MAGI1: variants seen among roughly 807,000 people sequenced by gnomAD.
The protein encoded by MAGI1 is membrane-associated guanylate kinase, WW and PDZ domain-containing protein 1.
In MAGI1, 58 loss-of-function variants were observed where a neutral mutation model predicts 139.9. The ratio of observed to expected loss-of-function variants is 0.41; its 90% CI spans 0.34 to 0.52. MAGI1 has a LOEUF of 0.52. Among genes scored for constraint, MAGI1 ranks in the 20% least tolerant of loss-of-function variants. The pLI is 0.12. For missense variants in MAGI1, 1,874 were observed against 1,901.6 expected, an observed-to-expected ratio of 0.99 and a Z score of 0.27; for synonymous variants, 812 against 737.9, an observed-to-expected ratio of 1.10 and a Z score of -1.63.
At chr3:65,481,188 T>C (rs1951264095) in intron 3 of MAGI1, among the ~76,000 whole-genome samples, 1 of 152,142 alleles carries the variant, frequency 6.6e-6, no homozygotes, top group Non-Finnish European at 1.5e-5. Context: ...TTCTTTCAGG[T>C]TTCCAACTTA....
intron 17 of MAGI1, among the ~76,000 whole-genome samples, chr3:65,378,481 C>CT (rs1385073281): frequency 1.3e-5 from 2 of 152,110 alleles, no homozygotes; most frequent in Admixed American, 1.3e-4. Flanking sequence ...TTACTCCTTA[C>CT]ACCTCTGTTT....
intron 1 of MAGI1, among the ~76,000 whole-genome samples, chr3:65,728,345 G>A (rs2033837152): frequency 6.6e-6 from 1 of 152,186 alleles, no homozygotes; most frequent in Admixed American, 6.5e-5. Flanking sequence ...GATGCAAAGA[G>A]AGACAGACCA....
chr3:65,468,809 A>G (rs1950349155), intron 5 of MAGI1, among the ~76,000 whole-genome samples: 1 of 151,824 alleles, frequency 6.6e-6, no homozygotes, highest in African/African-American at 2.4e-5. Flanking sequence ...GGTGACTCAC[A>G]CCTGTAATCC....
rs76089771 is a variant in MAGI1, at chr3:65,775,172, G to A, written c.314-153084C>T. Among the ~76,000 whole-genome samples, 1,310 of 152,084 alleles carry A rather than the reference G, an allele frequency of 8.6e-3. 21 individuals carry two copies. Among genetic ancestry groups the A allele is most frequent in the African/African-American group, 0.03 (1,233 of 41,478 alleles). ...ATAACAAAGTATTTTCAGGCTGGGC[G>A]TGGTGACTCCCACCTGTAATCCCAG... On this transcript the variant is annotated intron_variant, in intron 1 of 22. Coordinates refer to ENST00000402939, the MANE Select transcript of MAGI1 (RefSeq NM_001033057.2).
At chr3:65,829,569 T>G (rs2042415125) in intron 1 of MAGI1, among the ~76,000 whole-genome samples, 1 of 152,210 alleles carries the variant, frequency 6.6e-6, no homozygotes. Context: ...CTCCCAGAAG[T>G]GTGAGCAATA....
At chr3:65,598,006 G>GA in intron 2 of MAGI1, 2 of 435,514 alleles carry the variant, frequency 4.6e-6, no homozygotes, top group Non-Finnish European at 4.6e-6. Flanking sequence ...TTTTTCGAGG[G>GA]AAGAGGTGCT....
chr3:65,803,122 C>G (rs757976670), intron 1 of MAGI1, among the ~76,000 whole-genome samples: 1 of 151,936 alleles, frequency 6.6e-6, no homozygotes, highest in Non-Finnish European at 1.5e-5. Context: ...AAGTATTTCA[C>G]TTTGAATAAG....
At chr3:66,006,072 C>G (rs1284373303) in intron 1 of MAGI1, among the ~76,000 whole-genome samples, 5 of 152,152 alleles carry the variant, frequency 3.3e-5, no homozygotes, top group Non-Finnish European at 7.3e-5. Flanking sequence ...CTCAATTCTT[C>G]CCATCACTGA....
intron 2 of MAGI1, among the ~76,000 whole-genome samples, chr3:65,615,874 G>A (rs903564251): frequency 4.6e-5 from 7 of 152,166 alleles, no homozygotes; most frequent in African/African-American, 1.4e-4. Flanking sequence ...AGGAAACCAC[G>A]TACAAGCAGT....
intron 1 of MAGI1, among the ~76,000 whole-genome samples, chr3:65,952,110 G>C (rs2063889262): frequency 6.6e-6 from 1 of 152,174 alleles, no homozygotes; most frequent in Non-Finnish European, 1.5e-5. Context: ...GTTAGTGAAA[G>C]TGTAGATAGA....
rs182824288 is a variant in MAGI1 at position 65,727,832 on chromosome 3, C to T, written c.314-105744G>A. On this transcript the variant is annotated intron_variant, in intron 1 of 22. Transcript: ENST00000402939. ...GAGCTTCTATTTTCACAGAGGCAGA[C>T]AGATGATAGGAAAGCAGATATATAT... Among the ~76,000 whole-genome samples the T allele has an allele frequency of 1.3e-4, 20 of 152,184 alleles. No homozygotes were observed. In the East Asian group the frequency reaches 2.1e-3, roughly 16 times the overall value.
intron 13 of MAGI1, among the ~76,000 whole-genome samples, chr3:65,397,152 A>G (rs1273965976): frequency 6.6e-6 from 1 of 152,164 alleles, no homozygotes; most frequent in African/African-American, 2.4e-5. Flanking sequence ...TGATGGGATC[A>G]ATCATCATGC....
chr3:65,969,762 TG>T (rs1408167224), intron 1 of MAGI1, among the ~76,000 whole-genome samples: 1 of 152,238 alleles, frequency 6.6e-6, no homozygotes, highest in Non-Finnish European at 1.5e-5. Context: ...ACTAGCCATA[TG>T]GGGCTATTAA....
intron 2 of MAGI1, among the ~76,000 whole-genome samples, chr3:65,595,230 C>G (rs2082136174): frequency 6.6e-6 from 1 of 152,210 alleles, no homozygotes; most frequent in South Asian, 2.1e-4. Flanking sequence ...TTAGTAAAAT[C>G]AGCTATAGTC....
chr3:65,657,196 A>G (rs2085927122), intron 1 of MAGI1, among the ~76,000 whole-genome samples: 1 of 152,070 alleles, frequency 6.6e-6, no homozygotes, highest in Admixed American at 6.6e-5. Flanking sequence ...ATGGAGGTAA[A>G]GGCAGGCTAA....
At chr3:65,606,773 C>T (rs1032872078) in intron 2 of MAGI1, among the ~76,000 whole-genome samples, 3 of 152,262 alleles carry the variant, frequency 2.0e-5, no homozygotes, top group African/African-American at 7.2e-5. Context: ...CCGCCTCAGC[C>T]TCCCAAAGTG....
At chr3:65,765,974 A>G (rs1452093745) in intron 1 of MAGI1, among the ~76,000 whole-genome samples, 1 of 152,202 alleles carries the variant, frequency 6.6e-6, no homozygotes, top group Non-Finnish European at 1.5e-5. Flanking sequence ...TGATCATCCC[A>G]GCCTCGGTCC....
intron 1 of MAGI1, among the ~76,000 whole-genome samples, chr3:65,818,022 A>C (rs2041715844): frequency 1.3e-5 from 2 of 150,660 alleles, no homozygotes; most frequent in Admixed American, 6.7e-5. Flanking sequence ...TGCAGTTAGA[A>C]AACAACTAAG....
chr3:65,421,548 C>G (rs983841831), intron 12 of MAGI1, among the ~76,000 whole-genome samples: 1 of 152,142 alleles, frequency 6.6e-6, no homozygotes, highest in African/African-American at 2.4e-5. Context: ...CAAATTGTAA[C>G]TTGCTGATAG....
Sources: gnomAD v4.1 joint callset for allele counts (sites outside exome capture counted in the v4.1 genomes callset) on GRCh38, gnomAD v4.1.1 for gene constraint, MANE v1.5 for transcripts, NCBI Gene and HGNC (gene_info 2026-07-23, HGNC 2026-07-21) for gene names.